The following ALAS1 variants were observed in gnomAD, a reference collection of about 807,000 sequenced individuals.
ALAS1 encodes 5'-aminolevulinate synthase 1.
Under a neutral mutation model 59.6 loss-of-function variants are expected in ALAS1, and 29 were observed. The observed-to-expected ratio is 0.49, with a 90% CI of 0.36 to 0.66. ALAS1 has a LOEUF of 0.66. Ranked by LOEUF, ALAS1 falls within the 30% of genes least tolerant of loss-of-function variation. The probability of loss-of-function intolerance (pLI) is 0.00; values close to 1 mark genes in which losing one functional copy is unlikely to be tolerated. For synonymous variants in ALAS1, 299 were observed against 296.6 expected, an observed-to-expected ratio of 1.01 and a Z score of -0.08; for missense variants, 690 against 807.5, an observed-to-expected ratio of 0.85 and a Z score of 1.76.
intron 7 of ALAS1, 89 bp downstream of exon 7, chr3:52,206,112 C>T (rs1178373234): frequency 9.0e-6 from 11 of 1,226,102 alleles, no homozygotes; most frequent in Non-Finnish European, 1.3e-5. Flanking sequence ...TTACCAGAAC[C>T]TCTCAATTGA....
At position 52,209,226 on chromosome 3, in the gene ALAS1, G is replaced by A. The variant is rs560866157; in HGVS notation, c.1330+979G>A. ...CTTTTCTTTTTTTTCTTTTTTTTCC[G>A]AGATGGAGTGTCACTCTGTTGCCCA... On this transcript the variant is annotated intron_variant, in intron 9 of 11. Transcript: ENST00000484952. 2.6e-5 allele frequency among the ~76,000 whole-genome samples: 4 copies of A among 151,252 alleles called. No individual in the cohort carries two copies. In the South Asian group the frequency reaches 6.3e-4, roughly 24 times the overall value.
Position 52,214,053 on chromosome 3 carries a change from T to C in ALAS1, c.1796T>C (p.Leu599Pro), listed in dbSNP as rs775898142. 3 of 1,611,846 alleles carry C rather than the reference T, an allele frequency of 1.9e-6. No homozygotes were observed. The highest frequency in any genetic ancestry group is 4.5e-5 in the East Asian group (2 of 44,834). Residue 599 changes from leucine (L) to proline (P), a missense_variant, in exon 12 of 12, where the codon CTG (leucine) becomes CCG (proline). Physicochemically the swap from Leu to Pro is moderately conservative, Grantham distance 98 (BLOSUM62 -3). Transcript: ENST00000484952. ...NLLVTWKQVGLELKPHSSAEC... is the reference protein window; with the variant it reads ...NLLVTWKQVGPELKPHSSAEC... ...CTAGTCACATGGAAGCAAGTGGGGC[T>C]GGAACTGAAGCCTCATTCCTCAGCT...
In ALAS1 at chr3:52,199,490, G is replaced by C. The variant is rs565429731; in HGVS notation, c.199+50G>C. The C allele has an allele frequency of 2.6e-6, 4 of 1,562,472 alleles. No individual in the cohort carries two copies. In the African/African-American group the frequency reaches 5.4e-5, roughly 21 times the overall value. ...GCAGGTATGGGTGTTTGTGCTCATT[G>C]GTAGACTAGAAGCAGTCCCCACAGT... On this transcript the variant is annotated intron_variant, in intron 3 of 11. Coordinates refer to ENST00000484952, the MANE Select transcript of ALAS1 (RefSeq NM_000688.6).
chr3:52,210,012 T>C (rs776881583), intron 9 of ALAS1, among the ~76,000 whole-genome samples: 2 of 152,156 alleles, frequency 1.3e-5, no homozygotes, highest in Non-Finnish European at 2.9e-5. Flanking sequence ...AAACTTGAGA[T>C]GTAGATCACA....
intron 10 of ALAS1, 118 bp downstream of exon 10, chr3:52,211,669 G>C (rs1030289527): frequency 6.4e-5 from 91 of 1,419,698 alleles, no homozygotes; most frequent in Non-Finnish European, 8.7e-5. Context: ...CCAGGGCAGG[G>C]GTTGTAGCCA....
At chr3:52,206,803 A>C in intron 8 of ALAS1, 52 bp downstream of exon 8, 1 of 1,561,416 alleles carries the variant, frequency 6.4e-7, no homozygotes, top group Non-Finnish European at 8.7e-7. Context: ...ACTATGCCTG[A>C]ACTCTTTAAA....
chr3:52,204,729 A>C lies in ALAS1; in HGVS notation c.614A>C (p.Lys205Thr). 2.5e-6 allele frequency: 4 copies of C among 1,614,162 alleles called. No homozygotes were observed. The highest frequency in any genetic ancestry group is 3.4e-6 in the Non-Finnish European group (4 of 1,180,036). Residue 205 changes from lysine to threonine, a missense_variant, in exon 6 of 12, where the codon AAA becomes ACA. Coordinates refer to ENST00000484952, the MANE Select transcript of ALAS1 (RefSeq NM_000688.6). ...TTTCAGTATGATCGTTTCTTTGAGA[A>C]AAAAATTGATGAGAAAAAGAATGAC... is the stretch of plus-strand genomic sequence containing the variant. Reference protein sequence around the residue: ...STFQYDRFFEKKIDEKKNDHT... With the variant: ...STFQYDRFFETKIDEKKNDHT...
intron 3 of ALAS1, among the ~76,000 whole-genome samples, chr3:52,201,305 A>G (rs1318243101): frequency 6.6e-6 from 1 of 152,260 alleles, no homozygotes. Flanking sequence ...GAGAAAGTAG[A>G]TGAGGTATGT....
intron 11 of ALAS1, chr3:52,212,634 C>A (rs1039838150): frequency 1.9e-6 from 1 of 534,278 alleles, no homozygotes; most frequent in Non-Finnish European, 3.3e-6. Flanking sequence ...CAGGTTCAAG[C>A]GATTCTCCTG....
chr3:52,198,625 C>G (rs1199091884), intron 1 of ALAS1, 47 bp from the exon 2 acceptor site: 3 of 624,590 alleles, frequency 4.8e-6, no homozygotes, highest in Non-Finnish European at 8.5e-6. Context: ...AGGCCCAAGG[C>G]GCTGGCCCTC....
Position 52,212,408 on chromosome 3 carries a change from A to C in ALAS1, c.1750A>C (p.Asn584His). The C allele has an allele frequency of 2.5e-6, 4 of 1,613,980 alleles. No individual in the cohort carries two copies. Among genetic ancestry groups the C allele is most frequent in the Non-Finnish European group, 2.5e-6 (3 of 1,179,990 alleles). ...CCCTCACCACACACCCCAGATGATG[A>C]ACTACTTCCTTGGTGAGTACCTGGG... ...PTPHHTPQMMNYFLENLLVTW... is the reference protein window; with the variant it reads ...PTPHHTPQMMHYFLENLLVTW... The change falls in exon 11 of 12, where the codon AAC (asparagine) becomes CAC (histidine). Residue 584 changes from asparagine to histidine, a missense_variant. Coordinates refer to ENST00000484952, the MANE Select transcript of ALAS1 (RefSeq NM_000688.6).
chr3:52,208,030 G>T, intron 8 of ALAS1, 53 bp from the exon 9 acceptor site: 2 of 1,470,802 alleles, frequency 1.4e-6, no homozygotes, highest in Admixed American at 5.1e-5. Context: ...AACCAAAACA[G>T]AAATTTCTGA....
chr3:52,208,200 A>T lies in ALAS1; in HGVS notation c.1283A>T (p.Asp428Val). The T allele has an allele frequency of 6.2e-7, 1 of 1,614,144 alleles. No individual in the cohort carries two copies. The highest frequency in any genetic ancestry group is 8.5e-7 in the Non-Finnish European group (1 of 1,180,008). Reference sequence around the variant, plus strand: ...GGGGCTCGAGGCGGAGGGATTGGGGATCGGGATGGAGTCATGCCAAAAATG... The same window carrying T: ...GGGGCTCGAGGCGGAGGGATTGGGGTTCGGGATGGAGTCATGCCAAAAATG... ...LYGARGGGIG[D>V]RDGVMPKMDI... The change falls in exon 9 of 12, where the codon GAT (aspartate) becomes GTT (valine). Residue 428 changes from aspartate (D) to valine (V), a missense_variant. By Grantham distance (152) the Asp-to-Val change is radical. Transcript: ENST00000484952.
chr3:52,206,839 A>T (rs191109889), intron 8 of ALAS1, 88 bp downstream of exon 8: 2 of 1,461,014 alleles, frequency 1.4e-6, no homozygotes, highest in Non-Finnish European at 1.9e-6. Context: ...TGTGTTTTTT[A>T]ATTTTTTTTT....
Position 52,204,693 on chromosome 3 carries a change from C to T in ALAS1, c.578C>T (p.Ser193Phe). 6.2e-7 allele frequency: 1 copy of T among 1,612,806 alleles called. No individual in the cohort carries two copies. Among genetic ancestry groups the T allele is most frequent in the Non-Finnish European group, 8.5e-7 (1 of 1,179,172 alleles). ...SHLLQDNLPKSVSTFQYDRFF... is the reference protein window; with the variant it reads ...SHLLQDNLPKFVSTFQYDRFF... ...GTACTGTCTTTTGTTCAATTTTTAG[C>T]TGTTTCCACTTTTCAGTATGATCGT... The change falls in exon 6 of 12, where the codon TCT (serine) becomes TTT (phenylalanine). Residue 193 changes from serine (S) to phenylalanine (F), a missense_variant and splice_region_variant. Coordinates refer to ENST00000484952, the MANE Select transcript of ALAS1 (RefSeq NM_000688.6).
Position 52,202,820 on chromosome 3 carries a change from T to G in ALAS1, c.427+86T>G. The stretch of plus-strand genomic sequence containing the variant: ...CCTCAGATTTGTGTATGAGCTATTA[T>G]TAGGGCAGTATTTATGGAAACACCT... On this transcript the variant is annotated intron_variant, in intron 4 of 11. Transcript: ENST00000484952. 3 of 1,277,312 alleles carry G rather than the reference T, an allele frequency of 2.3e-6. No homozygotes were observed. In the South Asian group the frequency reaches 3.8e-5, roughly 16 times the overall value. 79.1% of individuals were successfully genotyped at this position (1,277,312 alleles called of 1,614,324 possible). A position where few individuals can be genotyped will look rare whatever the true frequency, so the allele number is the denominator to read the frequency against.
At chr3:52,209,430 A>G (rs952502737) in intron 9 of ALAS1, among the ~76,000 whole-genome samples, 2 of 151,808 alleles carry the variant, frequency 1.3e-5, no homozygotes, top group African/African-American at 4.8e-5. Context: ...AATGTTCTCA[A>G]TCTCCTGACC....
intron 5 of ALAS1, 61 bp downstream of exon 5, chr3:52,204,073 A>G: frequency 1.3e-6 from 2 of 1,516,116 alleles, no homozygotes; most frequent in Non-Finnish European, 1.8e-6. Flanking sequence ...TGTACATTAG[A>G]TTAAATATAA....
chr3:52,200,471 C>A (rs1699165108), intron 3 of ALAS1, among the ~76,000 whole-genome samples: 1 of 152,176 alleles, frequency 6.6e-6, no homozygotes, highest in Non-Finnish European at 1.5e-5. Flanking sequence ...TGTGCAGTGG[C>A]TCACTCCTGT....
Sources: allele counts gnomAD v4.1 joint callset (sites outside exome capture counted in the v4.1 genomes callset), GRCh38; gene constraint gnomAD v4.1.1; transcripts MANE v1.5; gene names NCBI Gene and HGNC (gene_info 2026-07-23, HGNC 2026-07-21).